Variants in ARMH4 observed in about 807,000 individuals in gnomAD.
ARMH4 encodes the protein armadillo like helical domain containing 4, also known as armadillo-like helical domain-containing protein 4.
A neutral mutation model predicts 61.9 loss-of-function variants in ARMH4; 49 were observed. The observed-to-expected ratio is 0.79, with a 90% CI of 0.63 to 1.00. ARMH4 has a LOEUF of 1.00. ARMH4 is among the 50% of genes least tolerant of loss of function. The probability of loss-of-function intolerance (pLI) is 0.00; values close to 1 mark genes in which losing one functional copy is unlikely to be tolerated. For synonymous variants in ARMH4, 368 were observed against 341.5 expected (o/e 1.08, Z -0.85); for missense variants, 934 against 930.0 (o/e 1.00, Z -0.06).
chr14:58,148,168 T>G lies in ARMH4; in HGVS notation c.-57+3907A>C, dbSNP rs574198910. ...TTCAAGCAATTCTCCTGCCTCAGCCTCCCGAGTAGCTAGGATAACAGGCAT... is the reference window on the plus strand; with the variant it reads ...TTCAAGCAATTCTCCTGCCTCAGCCGCCCGAGTAGCTAGGATAACAGGCAT... On this transcript the variant is annotated intron_variant, in intron 1 of 7. Transcript: ENST00000267485. 7.9e-5 allele frequency among the ~76,000 whole-genome samples: 12 copies of G among 152,296 alleles called. No homozygotes were observed. The South Asian group carries it at 2.5e-3, about 32-fold the overall frequency.
intron 5 of ARMH4, among the ~76,000 whole-genome samples, chr14:58,056,476 T>C (rs1384026921): frequency 6.6e-6 from 1 of 152,190 alleles, no homozygotes; most frequent in Non-Finnish European, 1.5e-5. Flanking sequence ...ATTAGTTATG[T>C]CCCATGAGAT....
At chr14:58,052,482 G>A (rs147752285) in intron 5 of ARMH4, among the ~76,000 whole-genome samples, 95 of 152,090 alleles carry the variant, frequency 6.2e-4, no homozygotes, top group African/African-American at 1.7e-3. Context: ...TTTCCGAGCT[G>A]TCCGTTTGTG....
At chr14:58,119,342 G>A (rs930769294) in intron 4 of ARMH4, among the ~76,000 whole-genome samples, 1 of 152,118 alleles carries the variant, frequency 6.6e-6, no homozygotes, top group East Asian at 1.9e-4. Flanking sequence ...CATATTTAAG[G>A]TTTGTAATTG....
chr14:58,041,637 G>A (rs1883708105), intron 5 of ARMH4, among the ~76,000 whole-genome samples: 1 of 152,112 alleles, frequency 6.6e-6, no homozygotes, highest in East Asian at 1.9e-4. Context: ...CCAATTAAAA[G>A]ACACAGACTG....
chr14:58,082,807 C>T (rs1885268653), intron 5 of ARMH4, among the ~76,000 whole-genome samples: 2 of 152,106 alleles, frequency 1.3e-5, no homozygotes, highest in African/African-American at 4.8e-5. Flanking sequence ...AGAAAGTCCA[C>T]CCCTGAAAAT....
chr14:58,105,410 G>A (rs1465372352), intron 4 of ARMH4, among the ~76,000 whole-genome samples: 3 of 152,236 alleles, frequency 2.0e-5, no homozygotes, highest in Non-Finnish European at 4.4e-5. Flanking sequence ...ATTGGGCCGG[G>A]CATGGTGGCT....
intron 5 of ARMH4, among the ~76,000 whole-genome samples, chr14:58,073,434 C>T (rs889016703): frequency 2.6e-5 from 4 of 152,154 alleles, no homozygotes; most frequent in South Asian, 4.1e-4. Context: ...CTGCTGTCCT[C>T]TTTATCAGGT....
rs183669375 is a variant in ARMH4, at chr14:58,138,075, G to A, written c.1284C>T (p.Asn428=). 5.5e-5 allele frequency: 88 copies of A among 1,614,148 alleles called. No individual in the cohort carries two copies. In the Admixed American group the frequency reaches 5.5e-4, roughly 10 times the overall value. Residue 428 remains asparagine (N), a synonymous_variant, in exon 2 of 8, where the codon AAC becomes AAT. Coordinates refer to ENST00000267485, the MANE Select transcript of ARMH4 (RefSeq NM_001001872.4). The part of the protein sequence containing the change: ...TGDFTESTKE[N]DALFFLETTV... ...TGGTTTCTAAGAAAAACAGGGCATC[G>A]TTTTCCTTGGTGGATTCCGTGAAGT...
chr14:58,088,659 G>C (rs1885459385), intron 5 of ARMH4, among the ~76,000 whole-genome samples: 2 of 152,146 alleles, frequency 1.3e-5, no homozygotes, highest in Non-Finnish European at 2.9e-5. Context: ...ACTCATCCTG[G>C]ATACAGGTGT....
chr14:58,117,185 C>T (rs189348077), intron 4 of ARMH4, among the ~76,000 whole-genome samples: 343 of 152,256 alleles, frequency 2.3e-3, no homozygotes, highest in Non-Finnish European at 3.5e-3. Context: ...CTCTAGAAAA[C>T]GAGACTACAG....
intron 5 of ARMH4, among the ~76,000 whole-genome samples, chr14:58,089,341 T>C (rs1226675172): frequency 3.3e-5 from 5 of 152,166 alleles, no homozygotes; most frequent in Admixed American, 2.0e-4. Context: ...CTATATTAAG[T>C]AGTCAATCTT....
Position 58,046,408 on chromosome 14 carries a change from G to A in ARMH4, c.2090-34258C>T, listed in dbSNP as rs528617806. 2.0e-5 allele frequency among the ~76,000 whole-genome samples: 3 copies of A among 152,196 alleles called. No individual in the cohort carries two copies. In the South Asian group the frequency reaches 6.2e-4, roughly 32 times the overall value. On this transcript the variant is annotated intron_variant, in intron 5 of 7. Transcript: ENST00000267485. ...TATTTAAATTGTACTTTTCTTCCAA[G>A]AACACTTACAAAAATTGCCTCATTA...
chr14:58,005,021 T>G, intron 7 of ARMH4, 27 bp downstream of exon 7: 1 of 1,613,652 alleles, frequency 6.2e-7, no homozygotes, highest in Non-Finnish European at 8.5e-7. Flanking sequence ...TGAAACTGAT[T>G]AGGTTTTGCT....
At chr14:58,094,461 C>T (rs920146994) in intron 5 of ARMH4, among the ~76,000 whole-genome samples, 9 of 151,954 alleles carry the variant, frequency 5.9e-5, no homozygotes, top group African/African-American at 1.9e-4. Context: ...TTAGCCAAAA[C>T]AGGGAACAAC....
At chr14:58,066,013 T>C (rs1301448291) in intron 5 of ARMH4, among the ~76,000 whole-genome samples, 3 of 152,236 alleles carry the variant, frequency 2.0e-5, no homozygotes, top group Non-Finnish European at 4.4e-5. Flanking sequence ...GAGCCTCCAC[T>C]GATTCCTTAA....
chr14:58,117,122 T>G (rs1288310385), intron 4 of ARMH4, among the ~76,000 whole-genome samples: 2 of 152,182 alleles, frequency 1.3e-5, no homozygotes, highest in African/African-American at 2.4e-5. Context: ...TGGCTTAACA[T>G]CTGCTCATTA....
At chr14:58,058,713 G>T (rs1272373993) in intron 5 of ARMH4, among the ~76,000 whole-genome samples, 1 of 152,160 alleles carries the variant, frequency 6.6e-6, no homozygotes. Context: ...GTGGGATTTG[G>T]CTGGCTTCTT....
At chr14:58,044,737 A>G (rs1191555168) in intron 5 of ARMH4, among the ~76,000 whole-genome samples, 2 of 152,256 alleles carry the variant, frequency 1.3e-5, no homozygotes, top group Admixed American at 1.3e-4. Context: ...GCTAATATCC[A>G]GAATCTACAA....
intron 1 of ARMH4, chr14:58,141,370 C>A: frequency 2.0e-6 from 1 of 508,878 alleles, no homozygotes. Flanking sequence ...AACCAAAATT[C>A]AGGACAAGGA....
Sources: gnomAD v4.1 joint callset for allele counts (sites outside exome capture counted in the v4.1 genomes callset) on GRCh38, gnomAD v4.1.1 for gene constraint, MANE v1.5 for transcripts, NCBI Gene and HGNC (gene_info 2026-07-23, HGNC 2026-07-21) for gene names.